GRID1: variants seen among roughly 807,000 people sequenced by gnomAD.
GRID1 encodes glutamate receptor ionotropic, delta-1.
A neutral mutation model predicts 98.0 loss-of-function variants in GRID1; 28 were observed. The ratio of observed to expected loss-of-function variants is 0.29; its 90% CI spans 0.21 to 0.39. GRID1 has a LOEUF of 0.39. Among genes scored for constraint, GRID1 ranks in the 10% least tolerant of loss-of-function variants. The pLI is 1.00. For synonymous variants in GRID1, 553 were observed against 538.5 expected, an observed-to-expected ratio of 1.03 and a Z score of -0.37; for missense variants, 1,111 against 1,340.5, an observed-to-expected ratio of 0.83 and a Z score of 2.67.
chr10:86,336,821 T>G (rs1848228012), intron 2 of GRID1, among the ~76,000 whole-genome samples: 1 of 151,140 alleles, frequency 6.6e-6, no homozygotes, highest in Non-Finnish European at 1.5e-5. Flanking sequence ...AGAAAGACCC[T>G]GAGCCCTGCT....
intron 8 of GRID1, among the ~76,000 whole-genome samples, chr10:85,753,229 C>T (rs1013968722): frequency 2.0e-5 from 3 of 152,192 alleles, no homozygotes; most frequent in Admixed American, 6.5e-5. Flanking sequence ...TTATTATACT[C>T]TATAAAAATA....
chr10:85,981,983 C>T (rs533460058), intron 4 of GRID1, among the ~76,000 whole-genome samples: 32 of 152,226 alleles, frequency 2.1e-4, no homozygotes, highest in Non-Finnish European at 3.1e-4. Flanking sequence ...GCAAGGAAAC[C>T]AGCCATGTGG....
chr10:86,164,073 G>A (rs1001669654), intron 3 of GRID1, among the ~76,000 whole-genome samples: 1 of 152,194 alleles, frequency 6.6e-6, no homozygotes, highest in African/African-American at 2.4e-5. Flanking sequence ...AAAACAAACC[G>A]GGGCAGCACT....
intron 4 of GRID1, among the ~76,000 whole-genome samples, chr10:86,054,830 C>A (rs1364718003): frequency 6.6e-6 from 1 of 152,214 alleles, no homozygotes; most frequent in African/African-American, 2.4e-5. Flanking sequence ...GACTTTGCAG[C>A]TTCTCCCATT....
chr10:86,144,521 C>T (rs74809435), intron 3 of GRID1, among the ~76,000 whole-genome samples: 7,661 of 152,184 alleles, frequency 0.05, 271 homozygotes, highest in East Asian at 0.13. Flanking sequence ...CCTGCTTGCC[C>T]GGTACATCCC....
intron 4 of GRID1, among the ~76,000 whole-genome samples, chr10:85,929,178 C>T (rs1841815645): frequency 1.3e-5 from 2 of 152,200 alleles, no homozygotes. Context: ...ATTTTGTCTA[C>T]CCCATATCAG....
intron 8 of GRID1, among the ~76,000 whole-genome samples, chr10:85,745,534 G>A (rs901644122): frequency 7.7e-6 from 1 of 130,274 alleles, no homozygotes; most frequent in African/African-American, 3.0e-5. Context: ...AGATCACATG[G>A]ACACAGGAAG....
intron 4 of GRID1, among the ~76,000 whole-genome samples, chr10:86,103,979 C>T (rs888503450): frequency 3.9e-5 from 6 of 152,168 alleles, no homozygotes; most frequent in Non-Finnish European, 8.8e-5. Flanking sequence ...CTCCCCCTGC[C>T]GCACTTCCCT....
chr10:85,934,676 T>C (rs1263094407), intron 4 of GRID1, among the ~76,000 whole-genome samples: 2 of 152,152 alleles, frequency 1.3e-5, no homozygotes, highest in African/African-American at 4.8e-5. Context: ...TTTTGTAAAA[T>C]ACCTATGTCT....
At chr10:86,038,452 G>A (rs563990213) in intron 4 of GRID1, among the ~76,000 whole-genome samples, 18 of 152,354 alleles carry the variant, frequency 1.2e-4, no homozygotes, top group African/African-American at 4.1e-4. Context: ...TCAGAAGCAA[G>A]AGGTGACTAA....
At chr10:85,715,045 T>C (rs1031491234) in intron 12 of GRID1, among the ~76,000 whole-genome samples, 1 of 152,102 alleles carries the variant, frequency 6.6e-6, no homozygotes, top group Non-Finnish European at 1.5e-5. Flanking sequence ...AACAGATATA[T>C]AGACGAATGA....
At chr10:86,107,222 T>G (rs1844404099) in intron 4 of GRID1, among the ~76,000 whole-genome samples, 1 of 152,202 alleles carries the variant, frequency 6.6e-6, no homozygotes, top group Non-Finnish European at 1.5e-5. Flanking sequence ...GGTGCCTTCT[T>G]CTCACTGCCC....
intron 8 of GRID1, among the ~76,000 whole-genome samples, chr10:85,794,530 TC>T (rs143217151): frequency 0.033 from 5,034 of 152,330 alleles, 125 homozygotes; most frequent in Non-Finnish European, 0.047. Context: ...AAAGCAATTC[TC>T]CACTGGAAGA....
At chr10:86,069,162 C>T (rs149664141) in intron 4 of GRID1, among the ~76,000 whole-genome samples, 1,718 of 152,222 alleles carry the variant, frequency 0.011, 31 homozygotes, top group African/African-American at 0.039. Context: ...ATGACAGCTG[C>T]TGGCAGGAGG....
chr10:85,685,259 CA>C (rs1841255847), intron 12 of GRID1, among the ~76,000 whole-genome samples: 1 of 152,036 alleles, frequency 6.6e-6, no homozygotes, highest in South Asian at 2.1e-4. Flanking sequence ...TACACAAAAT[CA>C]ATTGTTTTTC....
At chr10:86,267,466 T>A (rs1847121418) in intron 2 of GRID1, among the ~76,000 whole-genome samples, 1 of 152,122 alleles carries the variant, frequency 6.6e-6, no homozygotes, top group South Asian at 2.1e-4. Context: ...CCCCTACATC[T>A]CCCTGGCAAC....
intron 12 of GRID1, among the ~76,000 whole-genome samples, chr10:85,693,543 G>A (rs1841356629): frequency 6.6e-6 from 1 of 151,106 alleles, no homozygotes; most frequent in Non-Finnish European, 1.5e-5. Flanking sequence ...ATACTACAAG[G>A]CTATAGTAAA....
At chr10:86,090,156 G>A (rs975312653) in intron 4 of GRID1, among the ~76,000 whole-genome samples, 2 of 151,900 alleles carry the variant, frequency 1.3e-5, no homozygotes, top group South Asian at 2.1e-4. Flanking sequence ...TGGTGGTGAC[G>A]CCTATAAACC....
At chr10:85,767,205 C>T (rs754305616) in intron 8 of GRID1, among the ~76,000 whole-genome samples, 5 of 152,084 alleles carry the variant, frequency 3.3e-5, no homozygotes, top group African/African-American at 9.7e-5. Flanking sequence ...TTACTTTGAC[C>T]GCTAGGAAAT....
Sources: gnomAD v4.1 joint callset for allele counts (sites outside exome capture counted in the v4.1 genomes callset) on GRCh38, gnomAD v4.1.1 for gene constraint, MANE v1.5 for transcripts, NCBI Gene and HGNC (gene_info 2026-07-23, HGNC 2026-07-21) for gene names.